Variants in ZNF438 observed in about 807,000 individuals in gnomAD.
ZNF438 encodes zinc finger protein 438.
In ZNF438, 25 loss-of-function variants were observed where a neutral mutation model predicts 38.0. The observed-to-expected ratio is 0.66, with a 90% CI of 0.48 to 0.92. The LOEUF is 0.92. ZNF438 is among the 40% of genes least tolerant of loss of function. ZNF438 has a pLI of 0.00. For synonymous variants in ZNF438, 372 were observed against 364.1 expected, an observed-to-expected ratio of 1.02 and a Z score of -0.25; for missense variants, 1,007 against 999.6, an observed-to-expected ratio of 1.01 and a Z score of -0.10.
chr10:30,933,597 GAC>G (rs55895972), intron 2 of ZNF438, among the ~76,000 whole-genome samples: 11,274 of 152,216 alleles, frequency 0.074, 531 homozygotes, highest in Non-Finnish European at 0.11. Flanking sequence ...CATCTTGGGT[GAC>G]AGAGTGAGAC....
intron 1 of ZNF438, among the ~76,000 whole-genome samples, chr10:30,946,798 CT>C (rs1284059665): frequency 1.3e-5 from 2 of 152,050 alleles, no homozygotes; most frequent in African/African-American, 4.8e-5. Flanking sequence ...TCCCTTTTCC[CT>C]TTTTTTCCTG....
chr10:31,012,641 G>A (rs956422274), intron 1 of ZNF438, among the ~76,000 whole-genome samples: 2 of 152,082 alleles, frequency 1.3e-5, no homozygotes, highest in African/African-American at 4.8e-5. Context: ...TTGAAGGAAT[G>A]ACTGCATACA....
At chr10:30,925,014 C>T (rs1405773982) in intron 2 of ZNF438, among the ~76,000 whole-genome samples, 3 of 152,138 alleles carry the variant, frequency 2.0e-5, no homozygotes, top group Non-Finnish European at 4.4e-5. Flanking sequence ...TATAGAAACG[C>T]AATTGGGTTC....
chr10:30,950,529 A>G (rs1266899552), intron 1 of ZNF438, among the ~76,000 whole-genome samples: 1 of 152,056 alleles, frequency 6.6e-6, no homozygotes. Context: ...AAAAGAGAGA[A>G]GAATCAATAG....
chr10:30,978,092 G>T (rs1015476012), intron 1 of ZNF438, among the ~76,000 whole-genome samples: 1 of 152,078 alleles, frequency 6.6e-6, no homozygotes, highest in Non-Finnish European at 1.5e-5. Flanking sequence ...TTAAGAACAC[G>T]AAAGCAGAAC....
intron 2 of ZNF438, among the ~76,000 whole-genome samples, chr10:30,931,254 A>G (rs1384038015): frequency 1.3e-5 from 2 of 152,214 alleles, no homozygotes; most frequent in African/African-American, 4.8e-5. Flanking sequence ...AAAAATGACA[A>G]ATAATGAAAC....
At chr10:30,862,558 A>G (rs1201954826) in intron 4 of ZNF438, among the ~76,000 whole-genome samples, 2 of 152,220 alleles carry the variant, frequency 1.3e-5, no homozygotes, top group Non-Finnish European at 2.9e-5. Context: ...CTCCTACCTC[A>G]GTTCCCTAAG....
At position 30,963,836 on chromosome 10, in the gene ZNF438, C is replaced by T. The variant is rs144101827; in HGVS notation, c.-191-22185G>A. On this transcript the variant is annotated intron_variant, in intron 1 of 5. Coordinates refer to ENST00000413025, the Ensembl canonical transcript of ZNF438. ...GCAGAGGTTGCAGATTGCAGCACTG[C>T]ACTCCAGCCTGGGTGACATAGTGAG... Among the ~76,000 whole-genome samples the T allele has an allele frequency of 2.7e-3, 415 of 151,944 alleles. 2 individuals are homozygous for T. The highest frequency in any genetic ancestry group is 8.1e-3 in the Admixed American group (124 of 15,262).
intron 1 of ZNF438, among the ~76,000 whole-genome samples, chr10:30,973,571 C>T (rs4749649): frequency 9.2e-5 from 14 of 152,094 alleles, no homozygotes; most frequent in African/African-American, 2.4e-4. Flanking sequence ...ATTCATGATA[C>T]GTGTTTACTA....
intron 4 of ZNF438, among the ~76,000 whole-genome samples, chr10:30,870,440 AT>A (rs2037218284): frequency 6.8e-6 from 1 of 147,408 alleles, no homozygotes; most frequent in Admixed American, 6.7e-5. Context: ...TTTTTTTTGC[AT>A]TTTTTGTGCT....
chr10:30,956,464 A>G (rs2048875073), intron 1 of ZNF438, among the ~76,000 whole-genome samples: 1 of 152,194 alleles, frequency 6.6e-6, no homozygotes, highest in African/African-American at 2.4e-5. Context: ...ATATGTTATT[A>G]TTAACTAAAG....
chr10:30,880,430 T>TAAAAAAA (rs60365494), intron 3 of ZNF438, among the ~76,000 whole-genome samples: 6 of 111,700 alleles, frequency 5.4e-5, no homozygotes, highest in Admixed American at 1.8e-4. Flanking sequence ...AAATTCTATC[T>TAAAAAAA]AAAAAAAAAA....
At chr10:30,964,877 T>C (rs1427436939) in intron 1 of ZNF438, among the ~76,000 whole-genome samples, 1 of 152,128 alleles carries the variant, frequency 6.6e-6, no homozygotes, top group African/African-American at 2.4e-5. Flanking sequence ...GGAAATACCA[T>C]TCTGGACACT....
chr10:30,904,170 G>A (rs1457988713), intron 3 of ZNF438, among the ~76,000 whole-genome samples: 1 of 152,168 alleles, frequency 6.6e-6, no homozygotes, highest in African/African-American at 2.4e-5. Flanking sequence ...TGTATTATAT[G>A]TGACTGCCTT....
At position 30,987,851 on chromosome 10, in the gene ZNF438, T is replaced by C. The variant is rs183885666; in HGVS notation, c.-192+43982A>G. Among the ~76,000 whole-genome samples, 27 of 152,280 alleles carry C rather than the reference T, an allele frequency of 1.8e-4. No individual in the cohort carries two copies. In the East Asian group the frequency reaches 5.0e-3, roughly 28 times the overall value. ...AGCCTTCCGAACCGGGAGAAATGAA[T>C]TGTTGTTTAAGCCACCCAGTATGTC... On this transcript the variant is annotated intron_variant, in intron 1 of 5. Coordinates refer to ENST00000413025, the Ensembl canonical transcript of ZNF438.
intron 4 of ZNF438, among the ~76,000 whole-genome samples, chr10:30,862,545 G>A (rs545932403): frequency 6.6e-6 from 1 of 152,242 alleles, no homozygotes; most frequent in East Asian, 1.9e-4. Flanking sequence ...GGCTCAAGAG[G>A]TCCTCCTACC....
At chr10:30,940,944 C>T (rs184599304) in intron 2 of ZNF438, among the ~76,000 whole-genome samples, 24 of 151,968 alleles carry the variant, frequency 1.6e-4, no homozygotes, top group Admixed American at 4.6e-4. Context: ...TTAGCTACAA[C>T]GCAAAAGCAT....
rs558123626 is a variant in ZNF438 at position 30,860,302 on chromosome 10, C to T, written c.38-9935G>A. The stretch of plus-strand genomic sequence containing the variant: ...ACTCTATTAGCATTAGATGACATCC[C>T]TTTTGTTCAATTATATTTCTCCACA... On this transcript the variant is annotated intron_variant, in intron 4 of 5. Transcript: ENST00000413025. Among the ~76,000 whole-genome samples the T allele has an allele frequency of 6.6e-5, 10 of 152,272 alleles. No individual in the cohort carries two copies. In the South Asian group the frequency reaches 2.1e-3, roughly 32 times the overall value.
chr10:30,880,996 G>A (rs1473367089), intron 3 of ZNF438, among the ~76,000 whole-genome samples: 1 of 152,074 alleles, frequency 6.6e-6, no homozygotes, highest in Non-Finnish European at 1.5e-5. Context: ...TCACTCTGGT[G>A]AAACACATCT....
Sources: gnomAD v4.1 joint callset for allele counts (sites outside exome capture counted in the v4.1 genomes callset) on GRCh38, gnomAD v4.1.1 for gene constraint, MANE v1.5 for transcripts, NCBI Gene and HGNC (gene_info 2026-07-23, HGNC 2026-07-21) for gene names.